CFAP95: variants seen among roughly 807,000 people sequenced by gnomAD.
The protein encoded by CFAP95 is cilia- and flagella-associated protein 95.
chr9:69,847,006 T>C, the CFAP95 span, among the ~76,000 whole-genome samples: 2 of 152,168 alleles, frequency 1.3e-5, no homozygotes, highest in East Asian at 1.9e-4. Context: ...GAGATTAATA[T>C]GTATGTCCTG....
the CFAP95 span, among the ~76,000 whole-genome samples, chr9:69,847,759 G>T: frequency 6.6e-6 from 1 of 152,138 alleles, no homozygotes; most frequent in Non-Finnish European, 1.5e-5. Flanking sequence ...GCTGCTGAGT[G>T]GCTGCTTTGT....
chr9:69,902,120 G>A, the CFAP95 span: 1 of 290,496 alleles, frequency 3.4e-6, no homozygotes, highest in African/African-American at 2.3e-5. Flanking sequence ...CATTCGTCTA[G>A]TGTAACATTC....
chr9:69,823,912 CA>C, the CFAP95 span, among the ~76,000 whole-genome samples: 1 of 152,090 alleles, frequency 6.6e-6, no homozygotes, highest in Admixed American at 6.5e-5. Context: ...AAGGCAGGAA[CA>C]GGCCATTTTC....
chr9:69,878,582 T>C, the CFAP95 span, among the ~76,000 whole-genome samples: 353 of 152,332 alleles, frequency 2.3e-3, no homozygotes, highest in African/African-American at 7.9e-3. Flanking sequence ...TTTATTTGCT[T>C]TACTGTTGAC....
At chr9:69,846,782 G>A in the CFAP95 span, among the ~76,000 whole-genome samples, 4 of 152,200 alleles carry the variant, frequency 2.6e-5, no homozygotes, top group African/African-American at 9.6e-5. Flanking sequence ...AAGGCCTAAA[G>A]ACACTCTTGA....
the CFAP95 span, among the ~76,000 whole-genome samples, chr9:69,881,463 G>A: frequency 6.6e-6 from 1 of 152,152 alleles, no homozygotes; most frequent in Non-Finnish European, 1.5e-5. Context: ...TCTCAAAAAT[G>A]AATTCACTGT....
the CFAP95 span, among the ~76,000 whole-genome samples, chr9:69,858,610 C>CA: frequency 6.6e-6 from 1 of 151,916 alleles, no homozygotes; most frequent in African/African-American, 2.4e-5. Context: ...GGTGATAAAT[C>CA]AAAAAATAAG....
At chr9:69,852,109 GA>G in the CFAP95 span, among the ~76,000 whole-genome samples, 1 of 151,966 alleles carries the variant, frequency 6.6e-6, no homozygotes. Context: ...CAAAACTTCT[GA>G]GAAATAAGTA....
At chr9:69,846,076 C>A in the CFAP95 span, among the ~76,000 whole-genome samples, 1 of 152,186 alleles carries the variant, frequency 6.6e-6, no homozygotes, top group Non-Finnish European at 1.5e-5. Flanking sequence ...GCTTGACATG[C>A]ACTTAGAGAC....
chr9:69,901,437 G>A, the CFAP95 span, among the ~76,000 whole-genome samples: 836 of 152,120 alleles, frequency 5.5e-3, 6 homozygotes, highest in African/African-American at 0.019. Flanking sequence ...GCGCCCGGCC[G>A]GTGTTTGGTT....
chr9:69,881,576 A>G, the CFAP95 span, among the ~76,000 whole-genome samples: 2 of 152,234 alleles, frequency 1.3e-5, no homozygotes, highest in African/African-American at 4.8e-5. Context: ...GCTTTGTAAC[A>G]TAATTTGAAG....
At chr9:69,857,808 G>A in the CFAP95 span, 216 of 1,025,868 alleles carry the variant, frequency 2.1e-4, no homozygotes, top group Admixed American at 8.5e-4. Flanking sequence ...GATTACAGGC[G>A]TGAGCCACTG....
the CFAP95 span, among the ~76,000 whole-genome samples, chr9:69,847,264 G>A: frequency 3.9e-5 from 6 of 152,274 alleles, no homozygotes; most frequent in East Asian, 1.2e-3. Flanking sequence ...CAACAAGATG[G>A]TTCCATTAAA....
the CFAP95 span, among the ~76,000 whole-genome samples, chr9:69,852,583 G>T: frequency 6.6e-6 from 1 of 152,008 alleles, no homozygotes; most frequent in Non-Finnish European, 1.5e-5. Flanking sequence ...TACCACCCAG[G>T]GAACTTGATG....
the CFAP95 span, among the ~76,000 whole-genome samples, chr9:69,832,620 A>ATTTTTTTTTTT: frequency 0.016 from 187 of 11,354 alleles, 23 homozygotes; most frequent in East Asian, 0.034. Context: ...GTCTATTCGG[A>ATTTTTTTTTTT]TTTTTTTTTT....
chr9:69,882,522 T>G, the CFAP95 span, among the ~76,000 whole-genome samples: 1 of 152,178 alleles, frequency 6.6e-6, no homozygotes. Flanking sequence ...CTTGTTGTAT[T>G]TCAGATTTTA....
At chr9:69,827,716 G>T in the CFAP95 span, among the ~76,000 whole-genome samples, 8 of 152,156 alleles carry the variant, frequency 5.3e-5, no homozygotes, top group Non-Finnish European at 8.8e-5. Flanking sequence ...GGTTTGTTGA[G>T]GACTTGGTGT....
chr9:69,899,946 C>T, the CFAP95 span, among the ~76,000 whole-genome samples: 1 of 152,218 alleles, frequency 6.6e-6, no homozygotes, highest in African/African-American at 2.4e-5. Flanking sequence ...TGCTTTGTAT[C>T]ATTTTTATGT....
the CFAP95 span, among the ~76,000 whole-genome samples, chr9:69,897,808 TG>T: frequency 6.6e-6 from 1 of 152,094 alleles, no homozygotes; most frequent in Non-Finnish European, 1.5e-5. Flanking sequence ...CTGATGTAAG[TG>T]GTAAAACCAT....
Sources: gnomAD v4.1 joint callset for allele counts (sites outside exome capture counted in the v4.1 genomes callset) on GRCh38, gnomAD v4.1.1 for gene constraint, MANE v1.5 for transcripts, NCBI Gene and HGNC (gene_info 2026-07-23, HGNC 2026-07-21) for gene names.